ZNF418: variants seen among roughly 807,000 people sequenced by gnomAD.
ZNF418 encodes the protein zinc finger protein 418.
In ZNF418, 32 loss-of-function variants were observed where a neutral mutation model predicts 32.0. The ratio of observed to expected loss-of-function variants is 1.00; its 90% CI spans 0.75 to 1.34. The LOEUF is 1.34. Ranked by LOEUF, ZNF418 falls within the 40% of genes most tolerant of loss-of-function variation. ZNF418 has a pLI of 0.00. For missense variants in ZNF418, 804 were observed against 812.5 expected, an observed-to-expected ratio of 0.99 and a Z score of 0.13; for synonymous variants, 276 against 270.7, an observed-to-expected ratio of 1.02 and a Z score of -0.19.
chr19:57,931,456 C>T (rs2072484929), intron 2 of ZNF418, among the ~76,000 whole-genome samples: 1 of 152,198 alleles, frequency 6.6e-6, no homozygotes, highest in South Asian at 2.1e-4. Context: ...CCCACCTCGG[C>T]CTCCCATAGT....
chr19:57,933,540 G>A lies in ZNF418; in HGVS notation c.6+277C>T, dbSNP rs2072564692. On this transcript the variant is annotated intron_variant, in intron 2 of 5. Transcript: ENST00000396147. ...GATTGAGACTATCCTGGCTAACACA[G>A]TGAAACCGTCTCTACTAAAAAATCC... Among the ~76,000 whole-genome samples the A allele has an allele frequency of 2.0e-5, 3 of 152,184 alleles. No individual in the cohort carries two copies. In the South Asian group the frequency reaches 6.2e-4, roughly 31 times the overall value.
At chr19:57,924,239 G>T (rs971889807) in intron 4 of ZNF418, among the ~76,000 whole-genome samples, 3 of 152,214 alleles carry the variant, frequency 2.0e-5, no homozygotes, top group Admixed American at 2.0e-4. Context: ...GCAGCAATGA[G>T]TCTCTGCGGC....
chr19:57,930,328 G>A, intron 3 of ZNF418, 100 bp downstream of exon 3: 1 of 1,568,208 alleles, frequency 6.4e-7, no homozygotes, highest in Non-Finnish European at 8.8e-7. Context: ...AGGAAGCTGT[G>A]CCCATGGTCC....
At position 57,926,372 on chromosome 19, in the gene ZNF418, C is replaced by G; in HGVS notation, c.1809G>C (p.Arg603Ser). ...CRECGKTFTR[R>S]SAHFKHQRLH... ...GTCTCTGATGTTTAAAATGCGCAGA[C>G]CTTCGAGTAAATGTTTTTCCACATT... Residue 603 changes from arginine to serine, a missense_variant, in exon 4 of 6, where the codon AGG becomes AGC. Transcript: ENST00000396147. 6.2e-7 allele frequency: 1 copy of G among 1,601,592 alleles called. No individual in the cohort carries two copies. Among genetic ancestry groups the G allele is most frequent in the Non-Finnish European group, 8.5e-7 (1 of 1,171,232 alleles).
chr19:57,922,517 G>A lies in ZNF418; in HGVS notation c.*738C>T. The A allele has an allele frequency of 2.5e-6, 1 of 398,404 alleles. No individual in the cohort carries two copies. Among genetic ancestry groups the A allele is most frequent in the Non-Finnish European group, 4.4e-6 (1 of 226,014 alleles). The allele number at this position is 398,404 out of a possible 1,614,324, so 24.7% of individuals were successfully genotyped here. A position where few individuals can be genotyped will look rare whatever the true frequency, so the allele number is the denominator to read the frequency against. On this transcript the variant is annotated 3_prime_UTR_variant, in exon 6 of 6. Transcript: ENST00000396147. ...AAGGAAATGCTTGAACCCAAAGAGAGAACATGCAGATCATAATCAGTTCAT... is the reference window on the plus strand; with the variant it reads ...AAGGAAATGCTTGAACCCAAAGAGAAAACATGCAGATCATAATCAGTTCAT...
At chr19:57,922,966 C>CTCCA (rs531403576) in intron 5 of ZNF418, among the ~76,000 whole-genome samples, 55 of 144,068 alleles carry the variant, frequency 3.8e-4, no homozygotes, top group African/African-American at 1.4e-3. Context: ...TGTCACTGTA[C>CTCCA]TCCAGCCTGG....
intron 4 of ZNF418, among the ~76,000 whole-genome samples, chr19:57,924,651 A>G (rs2072141187): frequency 6.6e-6 from 1 of 152,160 alleles, no homozygotes; most frequent in Non-Finnish European, 1.5e-5. Context: ...GGGACACCAC[A>G]CTACGAAACT....
Position 57,927,864 on chromosome 19 carries a change from T to C in ZNF418, c.317A>G (p.Lys106Arg). The change falls in exon 4 of 6, where the codon AAG (lysine) becomes AGG (arginine). Residue 106 changes from lysine to arginine, a missense_variant. This residue lies in a region of ZNF418 where 307 missense variants were observed against 304.9 expected (regional missense o/e 1.01). Coordinates refer to ENST00000396147, the MANE Select transcript of ZNF418 (RefSeq NM_133460.3). Reference protein sequence around the residue: ...HLADHQGTHHKQKLHRCEAWG... With the variant: ...HLADHQGTHHRQKLHRCEAWG... ...TGCCTCACACCTGTGCAGTTTCTGC[T>C]TGTGATGTGTCCCCTGATGATCTGC... 1.2e-6 allele frequency: 2 copies of C among 1,614,108 alleles called. No individual in the cohort carries two copies. The highest frequency in any genetic ancestry group is 1.3e-5 in the African/African-American group (1 of 75,042).
chr19:57,932,321 C>T lies in ZNF418; in HGVS notation c.6+1496G>A, dbSNP rs1339980906. 8.5e-5 allele frequency: 84 copies of T among 988,854 alleles called. 2 individuals carry two copies. In the South Asian group the frequency reaches 1.2e-3, roughly 14 times the overall value. The allele number at this position is 988,854 out of a possible 1,614,324, so 61.3% of individuals were successfully genotyped here. A position where few individuals can be genotyped will look rare whatever the true frequency, so the allele number is the denominator to read the frequency against. ...CATTTGAGGTCATACAGTATCACCACACACCAACGTTGCACATCACATTGG... is the reference window on the plus strand; with the variant it reads ...CATTTGAGGTCATACAGTATCACCATACACCAACGTTGCACATCACATTGG... On this transcript the variant is annotated intron_variant, in intron 2 of 5. Coordinates refer to ENST00000396147, the MANE Select transcript of ZNF418 (RefSeq NM_133460.3).
At chr19:57,933,959 A>G in intron 1 of ZNF418, 57 bp from the exon 2 acceptor site, 2 of 1,594,778 alleles carry the variant, frequency 1.3e-6, no homozygotes, top group Non-Finnish European at 1.7e-6. Flanking sequence ...TTGCCTCCCC[A>G]CCGAATTTTT....
chr19:57,925,964 G>T lies in ZNF418; in HGVS notation c.*186C>A. On this transcript the variant is annotated 3_prime_UTR_variant, in exon 4 of 6. Coordinates refer to ENST00000396147, the MANE Select transcript of ZNF418 (RefSeq NM_133460.3). ...GTTATCCAATGACAGAAGGCAGAAG[G>T]CTTTCTCACATTCATCGCACTCAAG... The T allele has an allele frequency of 1.7e-6, 1 of 582,116 alleles. No individual in the cohort carries two copies. The highest frequency in any genetic ancestry group is 2.8e-5 in the East Asian group (1 of 36,084). 36.1% of individuals were successfully genotyped at this position (582,116 alleles called of 1,614,324 possible). A position where few individuals can be genotyped will look rare whatever the true frequency, so the allele number is the denominator to read the frequency against.
chr19:57,929,667 A>G (rs1410084518), intron 3 of ZNF418, among the ~76,000 whole-genome samples: 1 of 151,216 alleles, frequency 6.6e-6, no homozygotes, highest in African/African-American at 2.4e-5. Flanking sequence ...AAGGAAACTA[A>G]TTACTAAAAA....
rs901881467 is a variant in ZNF418, at chr19:57,930,326, G to T, written c.133+102C>A. ...ACCCAGAGAAGTGGAGAAGGAAGCT[G>T]TGCCCATGGTCCTGACATGATAAAA... On this transcript the variant is annotated intron_variant, in intron 3 of 5. Transcript: ENST00000396147. 3.2e-6 allele frequency: 5 copies of T among 1,564,738 alleles called. No individual in the cohort carries two copies. The East Asian group carries it at 9.0e-5, about 28-fold the overall frequency.
rs199724506 is a variant in ZNF418, at chr19:57,927,994, T to C, written c.187A>G (p.Ile63Val). The C allele has an allele frequency of 1.8e-5, 29 of 1,590,022 alleles. No homozygotes were observed. The African/African-American group carries it at 3.0e-4, about 16-fold the overall frequency. ...GTGCTGACCTGAGACACTCTTTGTA[T>C]AGAAATGCTCTTCTTAGAAGGTGCC... is the stretch of plus-strand genomic sequence containing the variant. ...EEAPSKKSIS[I>V]QRVSQVSTPG... The change falls in exon 4 of 6, where the codon ATA becomes GTA. Residue 63 changes from isoleucine to valine, a missense_variant. By Grantham distance (29) the Ile-to-Val change is conservative. Coordinates refer to ENST00000396147, the MANE Select transcript of ZNF418 (RefSeq NM_133460.3).
chr19:57,925,965 C>A lies in ZNF418; in HGVS notation c.*185G>T. ...TTATCCAATGACAGAAGGCAGAAGGCTTTCTCACATTCATCGCACTCAAGA... is the reference window on the plus strand; with the variant it reads ...TTATCCAATGACAGAAGGCAGAAGGATTTCTCACATTCATCGCACTCAAGA... On this transcript the variant is annotated 3_prime_UTR_variant, in exon 4 of 6. Coordinates refer to ENST00000396147, the MANE Select transcript of ZNF418 (RefSeq NM_133460.3). 1 of 582,674 alleles carries A rather than the reference C, an allele frequency of 1.7e-6. No individual in the cohort carries two copies. The highest frequency in any genetic ancestry group is 2.4e-5 in the South Asian group (1 of 42,386). 36.1% of individuals were successfully genotyped at this position (582,674 alleles called of 1,614,324 possible).
At chr19:57,928,730 A>T (rs2122881054) in intron 3 of ZNF418, among the ~76,000 whole-genome samples, 1 of 151,116 alleles carries the variant, frequency 6.6e-6, no homozygotes, top group Non-Finnish European at 1.5e-5. Context: ...GCGGTGGCTC[A>T]CACCTGTAAT....
chr19:57,923,731 C>T (rs867583327), intron 4 of ZNF418, among the ~76,000 whole-genome samples: 10 of 151,850 alleles, frequency 6.6e-5, no homozygotes, highest in South Asian at 2.1e-4. Flanking sequence ...CCTGCCACCA[C>T]GCCCAGCTAA....
At chr19:57,922,913 T>C (rs2072046706) in intron 5 of ZNF418, among the ~76,000 whole-genome samples, 1 of 149,890 alleles carries the variant, frequency 6.7e-6, no homozygotes. Flanking sequence ...GGTGGGAGGA[T>C]GACTTGAGTC....
chr19:57,935,092 G>A, intron 1 of ZNF418, 69 bp downstream of exon 1: 5 of 1,296,918 alleles, frequency 3.9e-6, no homozygotes, highest in Non-Finnish European at 5.0e-6. Flanking sequence ...GTGAACAGTC[G>A]CCGCTCTCTC....
Sources: gnomAD v4.1 joint callset for allele counts (sites outside exome capture counted in the v4.1 genomes callset) on GRCh38, gnomAD v4.1.1 for gene constraint, gnomAD v4.1.1 regional missense constraint, MANE v1.5 for transcripts, NCBI Gene and HGNC (gene_info 2026-07-23, HGNC 2026-07-21) for gene names.